MTMR3: variants seen among roughly 807,000 people sequenced by gnomAD.
The protein encoded by MTMR3 is phosphatidylinositol-3,5-bisphosphate 3-phosphatase MTMR3.
Under a neutral mutation model 132.4 loss-of-function variants are expected in MTMR3, and 32 were observed. The ratio of observed to expected loss-of-function variants is 0.24; its 90% CI spans 0.18 to 0.32. The LOEUF (loss-of-function observed/expected upper bound fraction) is 0.32, where lower values mean the gene tolerates loss of function less well. Among genes scored for constraint, MTMR3 ranks in the 10% least tolerant of loss-of-function variants. MTMR3 has a pLI of 1.00. For synonymous variants in MTMR3, 556 were observed against 550.3 expected, an observed-to-expected ratio of 1.01 and a Z score of -0.14; for missense variants, 1,216 against 1,489.6, an observed-to-expected ratio of 0.82 and a Z score of 3.02.
rs577553710 is a variant in MTMR3, at chr22:30,029,040, T to G, written c.*3239T>G. The G allele has an allele frequency of 7.9e-5, 12 of 152,336 alleles. No individual in the cohort carries two copies. The highest frequency in any genetic ancestry group is 1.9e-4 in the East Asian group (1 of 5,326). The allele number at this position is 152,336 out of a possible 1,614,324, so 9.4% of individuals were successfully genotyped here. Reference sequence around the variant, plus strand: ...CGAGCTCCTAAATGGAAAGCTTCTCTGGGGGTAGGGAGATGAAGAGCCAAG... The same window carrying G: ...CGAGCTCCTAAATGGAAAGCTTCTCGGGGGGTAGGGAGATGAAGAGCCAAG... On this transcript the variant is annotated 3_prime_UTR_variant, in exon 20 of 20. Coordinates refer to ENST00000401950, the MANE Select transcript of MTMR3 (RefSeq NM_021090.4).
intron 5 of MTMR3, chr22:29,986,667 T>G (rs1285179280): frequency 2.3e-6 from 2 of 864,630 alleles, no homozygotes; most frequent in Non-Finnish European, 2.8e-6. Flanking sequence ...TTCTTTTCTT[T>G]TTTTTTTGTT....
intron 2 of MTMR3, among the ~76,000 whole-genome samples, chr22:29,959,106 G>A (rs1257823630): frequency 6.6e-6 from 1 of 152,166 alleles, no homozygotes; most frequent in Non-Finnish European, 1.5e-5. Flanking sequence ...TCTTTAACAG[G>A]TGCCTGAAAG....
intron 7 of MTMR3, chr22:29,994,739 A>T (rs760142144): frequency 1.3e-5 from 2 of 152,210 alleles, no homozygotes; most frequent in Non-Finnish European, 2.9e-5. Context: ...AGAAAATTAC[A>T]TAATTGTCTT....
At chr22:29,968,494 C>A (rs927612789) in intron 2 of MTMR3, among the ~76,000 whole-genome samples, 1 of 152,074 alleles carries the variant, frequency 6.6e-6, no homozygotes, top group Non-Finnish European at 1.5e-5. Flanking sequence ...TTAATAAGTT[C>A]ATACCCTCAA....
chr22:29,911,916 GCAAAGATATAAAGTCAGTACTTTT>G (rs1602457071), intron 1 of MTMR3, among the ~76,000 whole-genome samples: 1 of 152,114 alleles, frequency 6.6e-6, no homozygotes, highest in East Asian at 1.9e-4. Context: ...AAGTACAATA[GCAAAGATATAAAGTCAGTACTTTT>G]CACTGATTAG....
chr22:30,000,496 A>C (rs1327990863), intron 8 of MTMR3: 2 of 151,732 alleles, frequency 1.3e-5, no homozygotes, highest in East Asian at 1.9e-4. Flanking sequence ...AAATATATAT[A>C]TCCTTCTCCT....
At chr22:29,952,782 G>A (rs576856179) in intron 1 of MTMR3, among the ~76,000 whole-genome samples, 1 of 152,160 alleles carries the variant, frequency 6.6e-6, no homozygotes, top group East Asian at 1.9e-4. Context: ...ATTTGAGCAG[G>A]GAGTAAGACT....
chr22:29,988,405 C>A, intron 5 of MTMR3, 75 bp from the exon 6 acceptor site: 1 of 1,064,200 alleles, frequency 9.4e-7, no homozygotes, highest in Non-Finnish European at 1.4e-6. Flanking sequence ...TTTAATTAGT[C>A]TTGTTGGACA....
At chr22:29,981,488 T>C (rs1035999880) in intron 5 of MTMR3, 5 of 152,212 alleles carry the variant, frequency 3.3e-5, no homozygotes, top group African/African-American at 1.2e-4. Context: ...AAGTGTTTTT[T>C]TTCTGTTAGC....
intron 2 of MTMR3, among the ~76,000 whole-genome samples, chr22:29,962,408 T>C (rs1771714198): frequency 6.6e-6 from 1 of 152,188 alleles, no homozygotes; most frequent in Admixed American, 6.5e-5. Context: ...GGCTAATGAC[T>C]GTAATCCCAG....
At chr22:29,966,902 A>T (rs977374903) in intron 2 of MTMR3, among the ~76,000 whole-genome samples, 1 of 152,034 alleles carries the variant, frequency 6.6e-6, no homozygotes, top group Non-Finnish European at 1.5e-5. Flanking sequence ...AGTCTCTTCA[A>T]ATTGACTCCC....
intron 1 of MTMR3, among the ~76,000 whole-genome samples, chr22:29,939,566 T>C (rs2065814810): frequency 6.6e-6 from 1 of 152,220 alleles, no homozygotes. Context: ...GCACTGACTT[T>C]TAGAGTCACT....
intron 1 of MTMR3, among the ~76,000 whole-genome samples, chr22:29,884,685 C>T (rs2064634293): frequency 6.6e-6 from 1 of 151,286 alleles, no homozygotes; most frequent in African/African-American, 2.4e-5. Context: ...ACCTCAGCCT[C>T]CCAAGTAGCT....
Position 30,026,721 on chromosome 22 carries a change from G to A in MTMR3, c.*920G>A, listed in dbSNP as rs562907964. 1 of 153,002 alleles carries A rather than the reference G, an allele frequency of 6.5e-6. No individual in the cohort carries two copies. Among genetic ancestry groups the A allele is most frequent in the East Asian group, 1.9e-4 (1 of 5,310 alleles). 9.5% of individuals were successfully genotyped at this position (153,002 alleles called of 1,614,324 possible). A position where few individuals can be genotyped will look rare whatever the true frequency, so the allele number is the denominator to read the frequency against. On this transcript the variant is annotated 3_prime_UTR_variant, in exon 20 of 20. Coordinates refer to ENST00000401950, the MANE Select transcript of MTMR3 (RefSeq NM_021090.4). ...GGTCCCCTAAACAATCTCTTCCTCA[G>A]CCAGCACAGGGAAATCCAGACTCAG...
chr22:30,013,327 A>G, intron 13 of MTMR3, 29 bp from the exon 14 acceptor site: 1 of 1,611,078 alleles, frequency 6.2e-7, no homozygotes, highest in Non-Finnish European at 8.5e-7. Context: ...GTCTAGCACA[A>G]ATGGTCTCTC....
At chr22:29,960,560 G>A (rs977212489) in intron 2 of MTMR3, among the ~76,000 whole-genome samples, 4 of 152,170 alleles carry the variant, frequency 2.6e-5, no homozygotes, top group African/African-American at 4.8e-5. Flanking sequence ...ATATAACCAT[G>A]TGTTGTCATA....
chr22:29,918,640 A>C (rs895970984), intron 1 of MTMR3, among the ~76,000 whole-genome samples: 1 of 152,244 alleles, frequency 6.6e-6, no homozygotes, highest in African/African-American at 2.4e-5. Flanking sequence ...TAAGGGTTGG[A>C]GAATTACTCA....
At chr22:30,023,216 TTAC>T in intron 19 of MTMR3, 2 of 560,030 alleles carry the variant, frequency 3.6e-6, no homozygotes, top group South Asian at 4.1e-5. Flanking sequence ...GGTAGTGAGT[TTAC>T]TAGGGACCCT....
Position 29,988,513 on chromosome 22 carries a change from C to T in MTMR3, c.244C>T (p.Arg82Ter), listed in dbSNP as rs1214771270. The T allele has an allele frequency of 1.2e-6, 2 of 1,611,850 alleles. No individual in the cohort carries two copies. Among genetic ancestry groups the T allele is most frequent in the East Asian group, 2.2e-5 (1 of 44,776 alleles). ...PLQLIESVEC[R>*]DIFQLHLTCK... ...ACAGCTTATAGAAAGTGTTGAATGC[C>T]GAGATATATTTCAGCTTCATTTGAC... The change falls in exon 6 of 20, where the codon CGA becomes TGA. Residue 82 changes from arginine (R) to a stop codon, truncating the protein, a stop_gained. Transcript: ENST00000401950. LOFTEE classifies it high-confidence loss of function.
Sources: gnomAD v4.1 joint callset for allele counts (sites outside exome capture counted in the v4.1 genomes callset) on GRCh38, gnomAD v4.1.1 for gene constraint, MANE v1.5 for transcripts, NCBI Gene and HGNC (gene_info 2026-07-23, HGNC 2026-07-21) for gene names.